The following PAXIP1 variants were observed in gnomAD, a reference collection of about 807,000 sequenced individuals.
The protein encoded by PAXIP1 is PAX interacting protein 1.
In PAXIP1, 19 loss-of-function variants were observed where a neutral mutation model predicts 140.6. That is an observed-to-expected ratio of 0.14 (90% CI 0.09 to 0.20). The LOEUF (loss-of-function observed/expected upper bound fraction) is 0.20. PAXIP1 is among the 10% of genes least tolerant of loss of function. The pLI is 1.00. For synonymous variants in PAXIP1, 442 were observed against 444.6 expected, an observed-to-expected ratio of 0.99 and a Z score of 0.07; for missense variants, 920 against 1,208.6, an observed-to-expected ratio of 0.76 and a Z score of 3.54.
intron 13 of PAXIP1, among the ~76,000 whole-genome samples, chr7:154,958,303 C>A (rs549639956): frequency 6.6e-6 from 1 of 152,358 alleles, no homozygotes; most frequent in African/African-American, 2.4e-5. Flanking sequence ...TCCTTGTTGA[C>A]TCCTCCTTCA....
At chr7:154,974,178 C>T (rs1809459209) in intron 6 of PAXIP1, 1 of 152,322 alleles carries the variant, frequency 6.6e-6, no homozygotes, top group Non-Finnish European at 1.5e-5. Flanking sequence ...TGTTCCTTAT[C>T]TCTGAAACAG....
intron 20 of PAXIP1, chr7:154,945,591 G>C: frequency 1.0e-6 from 1 of 983,906 alleles, no homozygotes; most frequent in Non-Finnish European, 1.2e-6. Flanking sequence ...CTGGTCAGAG[G>C]TGGCAGAGGC....
intron 13 of PAXIP1, 129 bp from the exon 14 acceptor site, chr7:154,957,423 A>C: frequency 2.0e-6 from 1 of 506,610 alleles, no homozygotes. Flanking sequence ...TCTTCACCAC[A>C]TCAGAACTAG....
chr7:154,990,037 C>CTTTTTT (rs749788206), intron 4 of PAXIP1, among the ~76,000 whole-genome samples: 15 of 109,926 alleles, frequency 1.4e-4, no homozygotes, highest in Non-Finnish European at 2.0e-4. Flanking sequence ...ATAAGTTTCT[C>CTTTTTT]TTTTTTTTTT....
chr7:154,990,541 G>A (rs1398374161), intron 4 of PAXIP1, among the ~76,000 whole-genome samples: 1 of 152,102 alleles, frequency 6.6e-6, no homozygotes, highest in African/African-American at 2.4e-5. Context: ...TTATCTCATT[G>A]CTATTAAAAT....
Position 154,991,016 on chromosome 7 carries a change from C to A in PAXIP1, c.314G>T (p.Cys105Phe). ...SCQIFFGITA[C>F]LSQVSSEDRS... is the part of the protein sequence containing the mutation. ...TGTAACCATGCTTACCTGAGAAAGG[C>A]AGGCAGTGATTCCAAAAAAAATCTG... is the stretch of plus-strand genomic sequence containing the variant. The change falls in exon 4 of 21, where the codon TGC (cysteine) becomes TTC (phenylalanine). Residue 105 changes from cysteine (C) to phenylalanine (F), a missense_variant. By Grantham distance (205) the Cys-to-Phe change is radical (BLOSUM62 -2). Coordinates refer to ENST00000404141, the MANE Select transcript of PAXIP1 (RefSeq NM_007349.4). The A allele has an allele frequency of 6.5e-7, 1 of 1,550,360 alleles. No individual in the cohort carries two copies.
chr7:154,950,431 C>T (rs1009723221), intron 16 of PAXIP1: 2 of 152,198 alleles, frequency 1.3e-5, no homozygotes, highest in Non-Finnish European at 2.9e-5. Context: ...TAAGAAGTAA[C>T]CTGGACCTCA....
rs1351464135 is a variant in PAXIP1 at position 154,973,350 on chromosome 7, T to C, written c.1074+2346A>G. On this transcript the variant is annotated intron_variant, in intron 6 of 20. Coordinates refer to ENST00000404141, the MANE Select transcript of PAXIP1 (RefSeq NM_007349.4). This position sits in a 1 kb window ranked among gnomAD's most constrained non-coding sequence, Gnocchi z 4.0. ...CAGCTGCTGTTCAGTTACAAGGCAC[T>C]GTCACCACCCAGGACTTGAGGAAGG... Among the ~76,000 whole-genome samples, 3 of 152,184 alleles carry C rather than the reference T, an allele frequency of 2.0e-5. No individual in the cohort carries two copies. Among genetic ancestry groups the C allele is most frequent in the African/African-American group, 7.2e-5 (3 of 41,452 alleles).
intron 20 of PAXIP1, chr7:154,945,962 A>T: frequency 1.0e-6 from 1 of 985,216 alleles, no homozygotes; most frequent in Non-Finnish European, 1.2e-6. Flanking sequence ...TTTATCTCCC[A>T]TCCCAAAGTT....
chr7:154,993,382 A>T (rs191039654), intron 3 of PAXIP1, among the ~76,000 whole-genome samples: 1 of 152,324 alleles, frequency 6.6e-6, no homozygotes, highest in Admixed American at 6.5e-5. Context: ...CTCTTCCCCA[A>T]CTTACTCTTC....
chr7:154,982,486 G>A (rs1809888609), intron 5 of PAXIP1, among the ~76,000 whole-genome samples: 1 of 152,206 alleles, frequency 6.6e-6, no homozygotes, highest in African/African-American at 2.4e-5. Context: ...GAGTAGCTGG[G>A]ATTACAAGCA....
chr7:154,982,246 G>A (rs1159156506), intron 5 of PAXIP1, among the ~76,000 whole-genome samples: 1 of 152,194 alleles, frequency 6.6e-6, no homozygotes, highest in African/African-American at 2.4e-5. Context: ...ATAGAACAGT[G>A]GTTCTGAAAC....
intron 4 of PAXIP1, among the ~76,000 whole-genome samples, chr7:154,989,469 G>C (rs905177688): frequency 3.3e-5 from 5 of 152,154 alleles, no homozygotes; most frequent in African/African-American, 1.2e-4. Context: ...TATCACCTAT[G>C]AGCACCAAAA....
chr7:154,989,945 C>A (rs1442977732), intron 4 of PAXIP1, among the ~76,000 whole-genome samples: 4 of 152,032 alleles, frequency 2.6e-5, no homozygotes, highest in South Asian at 4.2e-4. Context: ...CCGATTGTTT[C>A]CAATTTTACC....
Position 154,981,222 on chromosome 7 carries a change from G to C in PAXIP1, c.438+1997C>G, listed in dbSNP as rs141727940. 4.2e-3 allele frequency among the ~76,000 whole-genome samples: 633 copies of C among 152,246 alleles called. 3 individuals carry two copies. The highest frequency in any genetic ancestry group is 0.011 in the South Asian group (51 of 4,828). On this transcript the variant is annotated intron_variant, in intron 5 of 20. Transcript: ENST00000404141. ...TTCAGTTTCTTCAAGGGGACAGCAG[G>C]ACTTCCTTCACTGTACGCCGCAAGC...
chr7:154,993,497 C>T (rs1175922358), intron 3 of PAXIP1, among the ~76,000 whole-genome samples: 4 of 152,182 alleles, frequency 2.6e-5, no homozygotes, highest in African/African-American at 9.7e-5. Context: ...GCCTCCAGTT[C>T]CCGGCCTAGA....
At position 154,962,346 on chromosome 7, in the gene PAXIP1, G is replaced by T; in HGVS notation, c.2102C>A (p.Pro701Gln). ...RALHFPVAFP[P>Q]GGKPCSQHII... ...ATGCTGTGAACATGGCTTTCCTCCTGGTGGGAAGGCCACTGGGAAGTGAAG... is the reference window on the plus strand; with the variant it reads ...ATGCTGTGAACATGGCTTTCCTCCTTGTGGGAAGGCCACTGGGAAGTGAAG... The change falls in exon 10 of 21, where the codon CCA becomes CAA. Residue 701 changes from proline (P) to glutamine (Q), a missense_variant. Physicochemically the swap from Pro to Gln is moderately conservative, Grantham distance 76 (BLOSUM62 -1). Around this residue, in one of 5 missense-constraint regions of PAXIP1, gnomAD observed 303 missense variants for 517.9 expected, o/e 0.59. Transcript: ENST00000404141. The T allele has an allele frequency of 1.9e-6, 3 of 1,613,834 alleles. No individual in the cohort carries two copies. The highest frequency in any genetic ancestry group is 2.2e-5 in the East Asian group (1 of 44,870).
At position 154,946,426 on chromosome 7, in the gene PAXIP1, C is replaced by G. The variant is rs1408662966; in HGVS notation, c.3134-1G>C. 6.2e-7 allele frequency: 1 copy of G among 1,613,504 alleles called. No individual in the cohort carries two copies. On this transcript the variant is annotated splice_acceptor_variant, in intron 19 of 20. Transcript: ENST00000404141. LOFTEE classifies it high-confidence loss of function. The surrounding 1 kb of genome is among the most constrained non-coding windows in gnomAD (Gnocchi z 4.9). ...AGAACGAACTCTGCATTGTGAACATCTGAACAGGGTGGAAACAGACACTTT... is the reference window on the plus strand; with the variant it reads ...AGAACGAACTCTGCATTGTGAACATGTGAACAGGGTGGAAACAGACACTTT...
chr7:154,976,090 G>C lies in PAXIP1; in HGVS notation c.680C>G (p.Ser227Cys), dbSNP rs756794133. Residue 227 changes from serine to cysteine, a missense_variant, in exon 6 of 21, where the codon TCT becomes TGT. Physicochemically the swap from Ser to Cys is moderately radical, Grantham distance 112 (BLOSUM62 -1). Coordinates refer to ENST00000404141, the MANE Select transcript of PAXIP1 (RefSeq NM_007349.4). ...TGAAAACTGCTGGTCACCTGAAGGA[G>C]ACCCTTCTTGAGAGCTGGCAGGGCT... Reference protein sequence around the residue: ...KSSPASSQEGSPSGDQQFSPK... With the variant: ...KSSPASSQEGCPSGDQQFSPK... 11 of 1,576,140 alleles carry C rather than the reference G, an allele frequency of 7.0e-6. 1 individual carries two copies. The East Asian group carries it at 2.1e-4, about 30-fold the overall frequency.
Sources: allele counts gnomAD v4.1 joint callset (sites outside exome capture counted in the v4.1 genomes callset), GRCh38; gene constraint gnomAD v4.1.1; regional missense constraint gnomAD v4.1.1; non-coding constraint Gnocchi (gnomAD v3.1); transcripts MANE v1.5; gene names NCBI Gene and HGNC (gene_info 2026-07-23, HGNC 2026-07-21).